Variants in NAV1 observed in about 807,000 individuals in gnomAD.
The protein encoded by NAV1 is neuron navigator 1.
A neutral mutation model predicts 175.2 loss-of-function variants in NAV1; 18 were observed. The ratio of observed to expected loss-of-function variants is 0.10; its 90% CI spans 0.07 to 0.15. The LOEUF is 0.15. Ranked by LOEUF, NAV1 falls within the 10% of genes least tolerant of loss-of-function variation. The pLI, the probability that NAV1 is intolerant of heterozygous loss-of-function variation, is 1.00. For missense variants in NAV1, 1,731 were observed against 2,436.6 expected, an observed-to-expected ratio of 0.71 and a Z score of 6.10; for synonymous variants, 897 against 978.7, an observed-to-expected ratio of 0.92 and a Z score of 1.56.
chr1:201,594,306 A>C (rs367847590), intron 2 of NAV1, among the ~76,000 whole-genome samples: 5 of 152,116 alleles, frequency 3.3e-5, no homozygotes, highest in South Asian at 2.1e-4. Context: ...CCTCTTGGTC[A>C]AGGCAGGGTT....
intron 2 of NAV1, among the ~76,000 whole-genome samples, chr1:201,590,764 C>G (rs529043813): frequency 3.3e-5 from 5 of 152,286 alleles, no homozygotes; most frequent in African/African-American, 1.2e-4. Flanking sequence ...TCTGAGAACT[C>G]TTTTTGCCCC....
rs1039210277 is a variant in NAV1, at chr1:201,718,581, G to C, written c.1052G>C (p.Arg351Pro). Residue 351 changes from arginine (R) to proline (P), a missense_variant, in exon 3 of 30, where the codon CGG becomes CCG. Coordinates refer to ENST00000367296, the Ensembl canonical transcript of NAV1. The surrounding 1 kb of genome is among the most constrained non-coding windows in gnomAD (Gnocchi z 4.8). ...CCCGCCTGGTACATGCACGGCGAAC[G>C]GGCCCACTACTCCCACACCATGCCC... The C allele has an allele frequency of 6.8e-6, 11 of 1,614,100 alleles. No individual in the cohort carries two copies. Among genetic ancestry groups the C allele is most frequent in the Non-Finnish European group, 9.3e-6 (11 of 1,180,022 alleles).
intron 1 of NAV1, among the ~76,000 whole-genome samples, chr1:201,659,760 G>A (rs921326125): frequency 6.6e-6 from 1 of 152,236 alleles, no homozygotes; most frequent in African/African-American, 2.4e-5. Context: ...GGAGCCCTCC[G>A]AGCAGATGGT....
intron 3 of NAV1, among the ~76,000 whole-genome samples, chr1:201,778,339 G>A (rs977338484): frequency 6.6e-6 from 1 of 152,182 alleles, no homozygotes; most frequent in African/African-American, 2.4e-5. Flanking sequence ...TCACGACCTT[G>A]ATTACCAATA....
chr1:201,644,727 T>C (rs1668917594), upstream of NAV1, among the ~76,000 whole-genome samples: 1 of 152,208 alleles, frequency 6.6e-6, no homozygotes, highest in African/African-American at 2.4e-5. Context: ...GCTTCTCTTA[T>C]TGACAACACT....
In NAV1 at chr1:201,810,719, C is replaced by G. The variant is rs777570418; in HGVS notation, c.4758C>G (p.Gly1586=). The G allele has an allele frequency of 6.2e-7, 1 of 1,614,030 alleles. No individual in the cohort carries two copies. Among genetic ancestry groups the G allele is most frequent in the African/African-American group, 1.3e-5 (1 of 74,914 alleles). Residue 1586 remains glycine, a synonymous_variant, in exon 24 of 30, where the codon GGC becomes GGG. Coordinates refer to ENST00000367296, the Ensembl canonical transcript of NAV1. This position sits in a 1 kb window ranked among gnomAD's most constrained non-coding sequence, Gnocchi z 6.0. ...GCTCTGGCCGTGAGGTCACAGAGGG[C>G]ATCGTCAGCACCTTCAACATGCACC...
rs114515302 is a variant in NAV1 at position 201,671,137 on chromosome 1, C to T, written c.757+21712C>T. Among the ~76,000 whole-genome samples the T allele has an allele frequency of 3.6e-3, 546 of 152,262 alleles. 1 individual carries two copies. The highest frequency in any genetic ancestry group is 0.019 in the South Asian group (90 of 4,818). On this transcript the variant is annotated intron_variant, in intron 1 of 29. Transcript: ENST00000367296. The stretch of plus-strand genomic sequence containing the variant: ...TACTTACTTCACTTCTTGAGGCAAA[C>T]GGTATTACCGAGCCCAGGACCGTGC...
intron 3 of NAV1, among the ~76,000 whole-genome samples, chr1:201,775,135 C>T (rs558416145): frequency 2.2e-4 from 34 of 152,310 alleles, no homozygotes; most frequent in African/African-American, 7.5e-4. Context: ...CCTCCATCTG[C>T]TCCCAAAGGG....
intron 1 of NAV1, among the ~76,000 whole-genome samples, chr1:201,691,313 T>A (rs1670928690): frequency 6.6e-6 from 1 of 152,196 alleles, no homozygotes; most frequent in South Asian, 2.1e-4. Context: ...ATGCTGAGCC[T>A]CAGCGGAAGG....
At position 201,584,906 on chromosome 1, in the gene NAV1, C is replaced by A. The variant is rs1666980347; in HGVS notation, c.-143-3633C>A. On this transcript the variant is annotated intron_variant, in intron 1 of 33. Coordinates refer to the NAV1 transcript ENST00000685211. Reference sequence around the variant, plus strand: ...GGCAGGCAGCCCAAGTCCTGGCATCCCACGGGAGAGGAGAAGGGCCCCTGC... The same window carrying A: ...GGCAGGCAGCCCAAGTCCTGGCATCACACGGGAGAGGAGAAGGGCCCCTGC... Among the ~76,000 whole-genome samples, 11 of 152,340 alleles carry A rather than the reference C, an allele frequency of 7.2e-5. No individual in the cohort carries two copies. The South Asian group carries it at 2.3e-3, about 32-fold the overall frequency.
intron 2 of NAV1, among the ~76,000 whole-genome samples, chr1:201,590,846 C>T (rs552765290): frequency 1.8e-4 from 27 of 152,152 alleles, no homozygotes; most frequent in Admixed American, 3.9e-4. Context: ...GTTAGAAGGG[C>T]GGACTGTACC....
At chr1:201,785,275 T>C in intron 7 of NAV1, 35 bp from the exon 12 acceptor site, 1 of 1,489,030 alleles carries the variant, frequency 6.7e-7, no homozygotes, top group South Asian at 1.2e-5. Flanking sequence ...TGCTTCTCTC[T>C]CTCTCTCTTT....
intron 3 of NAV1, among the ~76,000 whole-genome samples, chr1:201,721,983 A>T (rs140590377): frequency 5.6e-4 from 86 of 152,322 alleles, no homozygotes; most frequent in Non-Finnish European, 9.8e-4. Context: ...AAGAAGGCAA[A>T]TTCTTCAAAC....
intron 16 of NAV1, chr1:201,804,065 G>T: frequency 2.1e-6 from 1 of 486,982 alleles, no homozygotes; most frequent in Admixed American, 2.6e-5. Context: ...TCTATACTAT[G>T]GAGAGATTTT....
chr1:201,567,002 A>T (rs1200848309), intron 1 of NAV1, among the ~76,000 whole-genome samples: 2 of 152,052 alleles, frequency 1.3e-5, no homozygotes, highest in Non-Finnish European at 2.9e-5. Context: ...ATAATCCCCA[A>T]ACCACAGGGT....
At chr1:201,567,422 T>C (rs1666389130) in intron 1 of NAV1, among the ~76,000 whole-genome samples, 1 of 152,186 alleles carries the variant, frequency 6.6e-6, no homozygotes, top group South Asian at 2.1e-4. Context: ...CTCAAGAGGC[T>C]TGAGAGCTGC....
At chr1:201,713,202 A>G (rs965535460) in intron 2 of NAV1, among the ~76,000 whole-genome samples, 2 of 152,248 alleles carry the variant, frequency 1.3e-5, no homozygotes, top group African/African-American at 2.4e-5. Flanking sequence ...ACACAGCTCA[A>G]TGTGTGATCT....
At chr1:201,566,299 C>T (rs1571824102) in intron 1 of NAV1, among the ~76,000 whole-genome samples, 1 of 152,064 alleles carries the variant, frequency 6.6e-6, no homozygotes, top group African/African-American at 2.4e-5. Flanking sequence ...GAGGCCTGCT[C>T]GAGGCTCACC....
rs200239633 is a variant in NAV1 at position 201,810,003 on chromosome 1, C to T, written c.4459C>T (p.His1487Tyr). The T allele has an allele frequency of 1.2e-5, 19 of 1,614,088 alleles. No individual in the cohort carries two copies. Among genetic ancestry groups the T allele is most frequent in the Non-Finnish European group, 7.6e-6 (9 of 1,180,016 alleles). Residue 1487 changes from histidine to tyrosine, a missense_variant, in exon 23 of 30, where the codon CAT (histidine) becomes TAT (tyrosine). Around this residue, in one of 13 missense-constraint regions of NAV1, gnomAD observed 36 missense variants for 45.3 expected, o/e 0.80. Coordinates refer to ENST00000367296, the Ensembl canonical transcript of NAV1. This position sits in a 1 kb window ranked among gnomAD's most constrained non-coding sequence, Gnocchi z 6.0. ...CCTGGGACTAAGCACTGAGTCCATCCATGGCTACAGCATCAGCCACGTGAA... is the reference window on the plus strand; with the variant it reads ...CCTGGGACTAAGCACTGAGTCCATCTATGGCTACAGCATCAGCCACGTGAA...
Sources: allele counts gnomAD v4.1 joint callset (sites outside exome capture counted in the v4.1 genomes callset), GRCh38; gene constraint gnomAD v4.1.1; regional missense constraint gnomAD v4.1.1; non-coding constraint Gnocchi (gnomAD v3.1); transcripts MANE v1.5; gene names NCBI Gene and HGNC (gene_info 2026-07-23, HGNC 2026-07-21).